Variants in ROR2 observed in about 807,000 individuals in gnomAD.
ROR2 encodes ROR family WNT receptor 2, also known as tyrosine-protein kinase transmembrane receptor ROR2.
A neutral mutation model predicts 74.9 loss-of-function variants in ROR2; 33 were observed. The ratio of observed to expected loss-of-function variants is 0.44; its 90% CI spans 0.33 to 0.59. The LOEUF (loss-of-function observed/expected upper bound fraction) is 0.59, where lower values mean the gene tolerates loss of function less well. Among genes scored for constraint, ROR2 ranks in the 20% least tolerant of loss-of-function variants. The pLI, the probability that ROR2 is intolerant of heterozygous loss-of-function variation, is 0.02. For synonymous variants in ROR2, 586 were observed against 558.7 expected (o/e 1.05, Z -0.69); for missense variants, 1,216 against 1,313.8 (o/e 0.93, Z 1.15).
chr9:91,851,934 C>T (rs1264870304), intron 1 of ROR2, among the ~76,000 whole-genome samples: 2 of 150,406 alleles, frequency 1.3e-5, no homozygotes, highest in African/African-American at 4.9e-5. Flanking sequence ...CGAGATGGCA[C>T]CATTGCACGC....
At chr9:91,921,257 C>T (rs1564039730) in intron 1 of ROR2, among the ~76,000 whole-genome samples, 1 of 152,258 alleles carries the variant, frequency 6.6e-6, no homozygotes, top group Non-Finnish European at 1.5e-5. Context: ...GAAGTGGCTA[C>T]TTCAGCCTAA....
rs1309588748 is a variant in ROR2, at chr9:91,723,472, T to C, written c.*190A>G. 5 of 888,134 alleles carry C rather than the reference T, an allele frequency of 5.6e-6. No homozygotes were observed. The East Asian group carries it at 1.3e-4, about 23-fold the overall frequency. 55.0% of individuals were successfully genotyped at this position (888,134 alleles called of 1,614,324 possible). ...CAGACCCCCTGCCTGGCTTGGGTGC[T>C]CCTAGGCAGGGCAGCTCTCTGTGTC... On this transcript the variant is annotated 3_prime_UTR_variant, in exon 9 of 9. Coordinates refer to ENST00000375708, the MANE Select transcript of ROR2 (RefSeq NM_004560.4).
chr9:91,913,401 G>A (rs1277167080), intron 1 of ROR2, among the ~76,000 whole-genome samples: 3 of 152,050 alleles, frequency 2.0e-5, no homozygotes, highest in Non-Finnish European at 2.9e-5. Context: ...TTGTTCCAGA[G>A]AAGAGACAAA....
chr9:91,927,513 C>T (rs370660109), intron 1 of ROR2, among the ~76,000 whole-genome samples: 3 of 151,816 alleles, frequency 2.0e-5, no homozygotes, highest in South Asian at 4.2e-4. Flanking sequence ...TTGCTACCTC[C>T]GTACCCTATC....
At chr9:91,890,710 C>T (rs780874054) in intron 1 of ROR2, among the ~76,000 whole-genome samples, 6 of 152,114 alleles carry the variant, frequency 3.9e-5, no homozygotes, top group Non-Finnish European at 8.8e-5. Context: ...TTCTAATTAT[C>T]GTATTGGCTG....
chr9:91,942,822 G>A (rs900750544), intron 1 of ROR2, among the ~76,000 whole-genome samples: 3 of 152,144 alleles, frequency 2.0e-5, no homozygotes, highest in East Asian at 1.9e-4. Flanking sequence ...GGAACTAAAA[G>A]AGGCAAAAAA....
chr9:91,820,998 A>G (rs2119145924), intron 1 of ROR2, among the ~76,000 whole-genome samples: 1 of 152,066 alleles, frequency 6.6e-6, no homozygotes, highest in African/African-American at 2.4e-5. Context: ...CTACTCAGGA[A>G]GCTGAGGCAG....
intron 1 of ROR2, among the ~76,000 whole-genome samples, chr9:91,851,968 T>G (rs1422287067): frequency 2.4e-5 from 3 of 127,576 alleles, no homozygotes; most frequent in South Asian, 4.9e-4. Flanking sequence ...GGTGCAAGAC[T>G]CTGTTAAAAA....
intron 1 of ROR2, among the ~76,000 whole-genome samples, chr9:91,882,410 C>CA (rs35759814): frequency 0.064 from 7,590 of 118,402 alleles, 488 homozygotes; most frequent in African/African-American, 0.18. Context: ...GACTCTGTCT[C>CA]AAAAAAAAAA....
chr9:91,836,984 TA>T (rs1828627906), intron 1 of ROR2, among the ~76,000 whole-genome samples: 1 of 152,254 alleles, frequency 6.6e-6, no homozygotes, highest in African/African-American at 2.4e-5. Context: ...GAAATTACAG[TA>T]ATTTAAGATT....
intron 1 of ROR2, among the ~76,000 whole-genome samples, chr9:91,867,073 G>A (rs1157076834): frequency 6.6e-6 from 1 of 152,182 alleles, no homozygotes; most frequent in South Asian, 2.1e-4. Context: ...TCCCATGAAT[G>A]GAGCTATAAA....
chr9:91,819,215 A>G (rs1242615668), intron 1 of ROR2, among the ~76,000 whole-genome samples: 2 of 152,140 alleles, frequency 1.3e-5, no homozygotes, highest in South Asian at 4.1e-4. Flanking sequence ...GCCAGGACTG[A>G]CACAGCATGG....
intron 4 of ROR2, among the ~76,000 whole-genome samples, chr9:91,743,638 CA>C (rs897620745): frequency 6.6e-6 from 1 of 152,158 alleles, no homozygotes; most frequent in South Asian, 2.1e-4. Context: ...AAGGACACCA[CA>C]AGAGCGTTAC....
At position 91,892,736 on chromosome 9, in the gene ROR2, C is replaced by T. The variant is rs559039420; in HGVS notation, c.97+57131G>A. The stretch of plus-strand genomic sequence containing the variant: ...CCCTGAGTAGCTGGGACTACAGGTG[C>T]CCACCACCACACCCGGCTAATTTTT... On this transcript the variant is annotated intron_variant, in intron 1 of 8. Coordinates refer to ENST00000375708, the MANE Select transcript of ROR2 (RefSeq NM_004560.4). 1.4e-3 allele frequency among the ~76,000 whole-genome samples: 216 copies of T among 151,762 alleles called. 1 individual carries two copies. The highest frequency in any genetic ancestry group is 3.4e-3 in the Middle Eastern group (1 of 292).
chr9:91,929,383 C>T (rs1490397147), intron 1 of ROR2, among the ~76,000 whole-genome samples: 7 of 152,190 alleles, frequency 4.6e-5, no homozygotes, highest in Admixed American at 1.3e-4. Context: ...ATGGCATCTT[C>T]GAGATGACGC....
intron 1 of ROR2, among the ~76,000 whole-genome samples, chr9:91,847,153 A>C (rs565230930): frequency 8.5e-5 from 13 of 152,290 alleles, no homozygotes; most frequent in African/African-American, 2.9e-4. Context: ...ATCCTTCTTA[A>C]AGCAAGATTC....
At position 91,724,062 on chromosome 9, in the gene ROR2, A is replaced by G; in HGVS notation, c.2432T>C (p.Met811Thr). The change falls in exon 9 of 9, where the codon ATG becomes ACG. Residue 811 changes from methionine to threonine, a missense_variant. Met to Thr is a moderately conservative substitution (Grantham distance 81). Transcript: ENST00000375708. Reference protein sequence around the residue: ...FIPMKGQIRPMVPPPQLYVPV... With the variant: ...FIPMKGQIRPTVPPPQLYVPV... ...GACGTAGAGCTGCGGCGGGGGCACC[A>G]TGGGTCTGATCTGGCCCTTCATGGG... 1.2e-6 allele frequency: 2 copies of G among 1,610,650 alleles called. No individual in the cohort carries two copies. The highest frequency in any genetic ancestry group is 2.2e-5 in the East Asian group (1 of 44,842).
intron 5 of ROR2, among the ~76,000 whole-genome samples, chr9:91,734,206 A>G (rs1824941460): frequency 6.6e-6 from 1 of 152,166 alleles, no homozygotes; most frequent in Non-Finnish European, 1.5e-5. Context: ...GACACTGGTA[A>G]GGGTGAAGAA....
chr9:91,724,920 G>C lies in ROR2; in HGVS notation c.1574C>G (p.Ala525Gly), dbSNP rs34584753. The change falls in exon 9 of 9, where the codon GCT becomes GGT. Residue 525 changes from alanine (A) to glycine (G), a missense_variant. Coordinates refer to ENST00000375708, the MANE Select transcript of ROR2 (RefSeq NM_004560.4). ...GPLREEFRHE[A>G]MLRARLQHPN... ...GTGTTGCAGCCGTGCTCGCAGCATA[G>C]CCTCATGCCGGAACTCCTCCCGCAG... 40 of 1,611,916 alleles carry C rather than the reference G, an allele frequency of 2.5e-5. No homozygotes were observed. Among genetic ancestry groups the C allele is most frequent in the Middle Eastern group, 1.6e-4 (1 of 6,078 alleles).
Sources: allele counts gnomAD v4.1 joint callset (sites outside exome capture counted in the v4.1 genomes callset), GRCh38; gene constraint gnomAD v4.1.1; transcripts MANE v1.5; gene names NCBI Gene and HGNC (gene_info 2026-07-23, HGNC 2026-07-21).